The following PRKG1 variants were observed in gnomAD, a reference collection of about 807,000 sequenced individuals.
The protein encoded by PRKG1 is cGMP-dependent protein kinase 1.
A neutral mutation model predicts 88.1 loss-of-function variants in PRKG1; 35 were observed. The observed-to-expected ratio is 0.40, with a 90% CI of 0.30 to 0.53. The LOEUF (loss-of-function observed/expected upper bound fraction) is 0.53, where lower values mean the gene tolerates loss of function less well. Among genes scored for constraint, PRKG1 ranks in the 20% least tolerant of loss-of-function variants. The pLI is 0.59. For synonymous variants in PRKG1, 303 were observed against 292.5 expected, an observed-to-expected ratio of 1.04 and a Z score of -0.37; for missense variants, 540 against 839.8, an observed-to-expected ratio of 0.64 and a Z score of 4.41.
intron 10 of PRKG1, among the ~76,000 whole-genome samples, chr10:52,259,594 C>T (rs1841386357): frequency 6.6e-6 from 1 of 152,030 alleles, no homozygotes; most frequent in South Asian, 2.1e-4. Context: ...AACATATTAG[C>T]TTGAACATTG....
At chr10:52,159,344 A>C (rs1048020930) in intron 8 of PRKG1, among the ~76,000 whole-genome samples, 15 of 151,756 alleles carry the variant, frequency 9.9e-5, no homozygotes, top group African/African-American at 3.4e-4. Context: ...TTTTAAATCA[A>C]GGACACTTAA....
intron 1 of PRKG1, among the ~76,000 whole-genome samples, chr10:50,992,119 G>T (rs997202770): frequency 6.6e-6 from 1 of 152,074 alleles, no homozygotes; most frequent in Non-Finnish European, 1.5e-5. Context: ...AGGGAGGGGC[G>T]ACTGGAGGCT....
intron 3 of PRKG1, among the ~76,000 whole-genome samples, chr10:51,737,726 TTTATTTATTTATTAATTA>T (rs1199943164): frequency 1.6e-4 from 18 of 112,074 alleles, no homozygotes; most frequent in African/African-American, 7.1e-4. Context: ...TATTTATTTA[TTTATTTATTTATTAATTA>T]TTATTATTAT....
intron 3 of PRKG1, among the ~76,000 whole-genome samples, chr10:51,784,267 G>A (rs1285963340): frequency 6.6e-6 from 1 of 151,962 alleles, no homozygotes; most frequent in Non-Finnish European, 1.5e-5. Flanking sequence ...TCTTCTTTAT[G>A]CCATTGTGTC....
chr10:51,164,189 C>G (rs1202221590), intron 2 of PRKG1, among the ~76,000 whole-genome samples: 1 of 152,176 alleles, frequency 6.6e-6, no homozygotes, highest in Non-Finnish European at 1.5e-5. Context: ...GGGTACTTCT[C>G]TGAGACAGAA....
intron 3 of PRKG1, among the ~76,000 whole-genome samples, chr10:51,645,956 G>T (rs1839905121): frequency 6.6e-6 from 1 of 152,086 alleles, no homozygotes; most frequent in Non-Finnish European, 1.5e-5. Context: ...AACTTGACTT[G>T]TATAATATGC....
At chr10:51,697,679 C>G (rs759639363) in intron 3 of PRKG1, 10 of 1,611,438 alleles carry the variant, frequency 6.2e-6, no homozygotes, top group Middle Eastern at 3.5e-4. Flanking sequence ...AGACTACAGC[C>G]AAATATTTTC....
intron 4 of PRKG1, among the ~76,000 whole-genome samples, chr10:51,821,828 C>T (rs1014938687): frequency 2.3e-4 from 35 of 152,164 alleles, no homozygotes; most frequent in Admixed American, 4.6e-4. Context: ...AGTTGATCTT[C>T]AGGGAATCTT....
chr10:51,127,674 C>T (rs567142420), intron 1 of PRKG1, among the ~76,000 whole-genome samples: 2 of 152,286 alleles, frequency 1.3e-5, no homozygotes, highest in South Asian at 4.1e-4. Flanking sequence ...TTTATTGCAG[C>T]ACTATTCACA....
chr10:51,091,737 G>T (rs1365737323), intron 1 of PRKG1, among the ~76,000 whole-genome samples: 1 of 152,140 alleles, frequency 6.6e-6, no homozygotes, highest in African/African-American at 2.4e-5. Context: ...GTAGCAGGTT[G>T]CCATTTATAG....
At chr10:51,802,565 A>C (rs1211494886) in intron 3 of PRKG1, among the ~76,000 whole-genome samples, 1 of 152,160 alleles carries the variant, frequency 6.6e-6, no homozygotes, top group Non-Finnish European at 1.5e-5. Flanking sequence ...CTTCATGTAC[A>C]TAAAGTTCAT....
At chr10:51,844,381 G>A (rs1268989758) in intron 4 of PRKG1, among the ~76,000 whole-genome samples, 1 of 152,020 alleles carries the variant, frequency 6.6e-6, no homozygotes, top group Non-Finnish European at 1.5e-5. Flanking sequence ...AGATTAAGAG[G>A]AGAATGAAAA....
intron 2 of PRKG1, among the ~76,000 whole-genome samples, chr10:51,263,458 T>C (rs1396582042): frequency 1.3e-5 from 2 of 152,210 alleles, no homozygotes; most frequent in Non-Finnish European, 2.9e-5. Flanking sequence ...CTGTCTCAGC[T>C]TCCAGACATT....
intron 4 of PRKG1, among the ~76,000 whole-genome samples, chr10:51,888,175 G>A (rs908497841): frequency 2.0e-5 from 3 of 152,126 alleles, no homozygotes; most frequent in African/African-American, 7.2e-5. Flanking sequence ...TACGTTGAAT[G>A]TGTGCATTTT....
At chr10:51,543,789 C>T (rs1324316820) in intron 3 of PRKG1, among the ~76,000 whole-genome samples, 3 of 152,100 alleles carry the variant, frequency 2.0e-5, no homozygotes, top group Non-Finnish European at 4.4e-5. Flanking sequence ...TGAACAAAGC[C>T]CCTAACATAG....
chr10:51,794,007 G>A (rs991140902), intron 3 of PRKG1, among the ~76,000 whole-genome samples: 5 of 151,898 alleles, frequency 3.3e-5, no homozygotes, highest in South Asian at 4.2e-4. Context: ...CAGTTGATCT[G>A]CCCAGCTCAG....
At chr10:51,318,477 GT>G (rs1265677293) in intron 2 of PRKG1, among the ~76,000 whole-genome samples, 2 of 152,116 alleles carry the variant, frequency 1.3e-5, no homozygotes, top group Non-Finnish European at 2.9e-5. Flanking sequence ...ATATAGATAG[GT>G]TTTTAAGATT....
chr10:52,177,049 C>T (rs1838885623), intron 9 of PRKG1, among the ~76,000 whole-genome samples: 1 of 152,022 alleles, frequency 6.6e-6, no homozygotes, highest in African/African-American at 2.4e-5. Context: ...ACTTCCAGTA[C>T]TACGTTGAAA....
chr10:52,050,427 G>A (rs1379319096), intron 5 of PRKG1, among the ~76,000 whole-genome samples: 1 of 152,124 alleles, frequency 6.6e-6, no homozygotes, highest in African/African-American at 2.4e-5. Context: ...ATATGAAAAT[G>A]GTAGAGCTGT....
Sources: allele counts gnomAD v4.1 joint callset (sites outside exome capture counted in the v4.1 genomes callset), GRCh38; gene constraint gnomAD v4.1.1; transcripts MANE v1.5; gene names NCBI Gene and HGNC (gene_info 2026-07-23, HGNC 2026-07-21).